AIRE: variants seen among roughly 807,000 people sequenced by gnomAD.
The protein encoded by AIRE is autoimmune polyendocrinopathy candidiasis ectodermal dystrophy protein.
Under a neutral mutation model 62.1 loss-of-function variants are expected in AIRE, and 52 were observed. The observed-to-expected ratio is 0.84, with a 90% CI of 0.67 to 1.06. The LOEUF (loss-of-function observed/expected upper bound fraction) is 1.06, where lower values mean the gene tolerates loss of function less well. AIRE is among the 50% of genes least tolerant of loss of function. The pLI, the probability that AIRE is intolerant of heterozygous loss-of-function variation, is 0.00. For synonymous variants in AIRE, 342 were observed against 321.6 expected, an observed-to-expected ratio of 1.06 and a Z score of -0.68; for missense variants, 774 against 755.8, an observed-to-expected ratio of 1.02 and a Z score of -0.28.
intron 5 of AIRE, chr21:44,288,896 C>T (rs1018957973): frequency 1.1e-5 from 2 of 190,224 alleles, no homozygotes; most frequent in African/African-American, 4.6e-5. Flanking sequence ...CCCTGGCCAG[C>T]CGCTGACCCC....
rs545287094 is a variant in AIRE, at chr21:44,287,231, G to T, written c.463+98G>T. On this transcript the variant is annotated intron_variant, in intron 3 of 13. Coordinates refer to ENST00000291582, the MANE Select transcript of AIRE (RefSeq NM_000383.4). This position sits in a 1 kb window ranked among gnomAD's most constrained non-coding sequence, Gnocchi z 4.3. ...CCCCACCCGGGCTCCCACCCACTGG[G>T]TGTGGGGCCAGCCTGCCTGGGGCTG... The T allele has an allele frequency of 3.1e-5, 45 of 1,471,552 alleles. No homozygotes were observed. The African/African-American group carries it at 5.9e-4, about 19-fold the overall frequency. The allele number at this position is 1,471,552 out of a possible 1,614,324, so 91.2% of individuals were successfully genotyped here.
At position 44,298,426 on chromosome 21, in the gene AIRE, C is replaced by G. The variant is rs2040637782; in HGVS notation, c.*699C>G. On this transcript the variant is annotated 3_prime_UTR_variant, in exon 14 of 14. Coordinates refer to ENST00000291582, the MANE Select transcript of AIRE (RefSeq NM_000383.4). ...GTCTTATTTTACTCAGCATGGTGGCCCCAAGGTTCATCCATGTTGTAGCAT... is the reference window on the plus strand; with the variant it reads ...GTCTTATTTTACTCAGCATGGTGGCGCCAAGGTTCATCCATGTTGTAGCAT... 1 of 154,406 alleles carries G rather than the reference C, an allele frequency of 6.5e-6. No homozygotes were observed. The highest frequency in any genetic ancestry group is 2.4e-5 in the African/African-American group (1 of 41,562). The allele number at this position is 154,406 out of a possible 1,614,324, so 9.6% of individuals were successfully genotyped here.
chr21:44,298,168 A>G lies in AIRE; in HGVS notation c.*441A>G. 1 of 240,342 alleles carries G rather than the reference A, an allele frequency of 4.2e-6. No homozygotes were observed. Among genetic ancestry groups the G allele is most frequent in the Non-Finnish European group, 8.4e-6 (1 of 118,664 alleles). 14.9% of individuals were successfully genotyped at this position (240,342 alleles called of 1,614,324 possible). On this transcript the variant is annotated 3_prime_UTR_variant, in exon 14 of 14. Transcript: ENST00000291582. ...CAAAACAAAAAAACCACATAACATA[A>G]ATTTATCATCTCGACCACTTTTCAG...
At chr21:44,289,492 GACA>G in intron 5 of AIRE, 162 bp from the exon 6 acceptor site, 1 of 763,366 alleles carries the variant, frequency 1.3e-6, no homozygotes, top group Non-Finnish European at 1.9e-6. Flanking sequence ...GTAGATCCAG[GACA>G]ATCCCCGGGC....
intron 7 of AIRE, 39 bp from the exon 8 acceptor site, chr21:44,291,056 C>T (rs745665855): frequency 1.2e-6 from 2 of 1,613,312 alleles, no homozygotes; most frequent in East Asian, 2.2e-5. Context: ...GGTGCTGCAC[C>T]CCAGCCCAGT....
At chr21:44,294,003 C>A in intron 11 of AIRE, 93 bp downstream of exon 11, 2 of 1,474,952 alleles carry the variant, frequency 1.4e-6, no homozygotes, top group Non-Finnish European at 1.8e-6. Context: ...AGCCCACAAC[C>A]ACACCCCACC....
At position 44,297,652 on chromosome 21, in the gene AIRE, G is replaced by A. The variant is rs372099368; in HGVS notation, c.1567-4G>A. The A allele has an allele frequency of 6.2e-6, 10 of 1,610,950 alleles. No homozygotes were observed. Among genetic ancestry groups the A allele is most frequent in the African/African-American group, 2.7e-5 (2 of 74,890 alleles). ...GAGGTTCTCACCGTCACTCTGTCCC[G>A]CAGCACACCTTCGATGGCATCCTGC... On this transcript the variant is annotated splice_region_variant and splice_polypyrimidine_tract_variant and intron_variant, in intron 13 of 13. Coordinates refer to ENST00000291582, the MANE Select transcript of AIRE (RefSeq NM_000383.4). This position sits in a 1 kb window ranked among gnomAD's most constrained non-coding sequence, Gnocchi z 4.8.
intron 5 of AIRE, chr21:44,289,377 T>G: frequency 2.0e-6 from 1 of 496,890 alleles, no homozygotes; most frequent in South Asian, 2.5e-5. Flanking sequence ...CAGTGTGACC[T>G]CATCTTAACT....
At chr21:44,293,758 C>T (rs2040570665) in intron 10 of AIRE, 31 bp from the exon 11 acceptor site, 2 of 1,595,316 alleles carry the variant, frequency 1.3e-6, no homozygotes, top group Non-Finnish European at 1.7e-6. Context: ...CCCCGGCCCC[C>T]CGCGTCACCC....
chr21:44,296,443 G>A lies in AIRE; in HGVS notation c.1564G>A (p.Glu522Lys), dbSNP rs866387711. 10 of 1,612,164 alleles carry A rather than the reference G, an allele frequency of 6.2e-6. No individual in the cohort carries two copies. The Admixed American group carries it at 6.7e-5, about 11-fold the overall frequency. The change falls in exon 13 of 14, where the codon GAG becomes AAG. Residue 522 changes from glutamate (E) to lysine (K), a missense_variant and splice_region_variant. Glu to Lys is a moderately conservative substitution (Grantham distance 56, BLOSUM62 1). Transcript: ENST00000291582. ...HRDDLESLLS[E>K]HTFDGILQWA... The stretch of plus-strand genomic sequence containing the variant: ...GGATGACCTGGAGTCCCTTCTGAGC[G>A]AGGTAACGCCTCCCCTGGCCTCCTG...
chr21:44,293,067 G>A lies in AIRE; in HGVS notation c.1170G>A (p.Thr390=), dbSNP rs935084604. ...GGGAACCCCTAGCCGGCATGGACAC[G>A]ACTCTTGTCTACAAGCACCTGCCGG... ...PPGEPLAGMD[T]TLVYKHLPAP... The change falls in exon 10 of 14, where the codon ACG becomes ACA. Residue 390 remains threonine (T), a synonymous_variant. Coordinates refer to ENST00000291582, the MANE Select transcript of AIRE (RefSeq NM_000383.4). The A allele has an allele frequency of 2.5e-6, 4 of 1,612,344 alleles. No individual in the cohort carries two copies. The highest frequency in any genetic ancestry group is 2.5e-6 in the Non-Finnish European group (3 of 1,179,836).
At position 44,286,986 on chromosome 21, in the gene AIRE, C is replaced by G. The variant is rs1289903463; in HGVS notation, c.316C>G (p.Leu106Val). The stretch of plus-strand genomic sequence containing the variant: ...CTGCCCCTGAGCTGCAGATGTGGAC[C>G]TCAGCCAGCCCCGGAAGGGGAGGAA... Reference protein sequence around the residue: ...ILDSFPKDVDLSQPRKGRKPP... With the variant: ...ILDSFPKDVDVSQPRKGRKPP... The change falls in exon 3 of 14, where the codon CTC (leucine) becomes GTC (valine). Residue 106 changes from leucine to valine, a missense_variant. By Grantham distance (32) the Leu-to-Val change is conservative (BLOSUM62 1). Transcript: ENST00000291582. The surrounding 1 kb of genome is among the most constrained non-coding windows in gnomAD (Gnocchi z 6.0). 1 of 1,612,700 alleles carries G rather than the reference C, an allele frequency of 6.2e-7. No individual in the cohort carries two copies. The highest frequency in any genetic ancestry group is 8.5e-7 in the Non-Finnish European group (1 of 1,179,984).
chr21:44,296,530 G>C, intron 13 of AIRE, 85 bp downstream of exon 13: 1 of 1,306,048 alleles, frequency 7.7e-7, no homozygotes, highest in Non-Finnish European at 1.1e-6. Context: ...TCTGGGGGAG[G>C]ACTGCCGGCC....
At chr21:44,293,506 C>T (rs192353669) in intron 10 of AIRE, among the ~76,000 whole-genome samples, 25 of 152,118 alleles carry the variant, frequency 1.6e-4, no homozygotes, top group East Asian at 1.9e-4. Flanking sequence ...AGGAGACTCC[C>T]GCACTCAGCC....
At chr21:44,291,979 G>C (rs1478440371) in intron 8 of AIRE, among the ~76,000 whole-genome samples, 1 of 152,186 alleles carries the variant, frequency 6.6e-6, no homozygotes, top group Non-Finnish European at 1.5e-5. Context: ...TAACAGGTGG[G>C]TCAGTTTAGG....
At position 44,287,597 on chromosome 21, in the gene AIRE, C is replaced by T. The variant is rs371847563; in HGVS notation, c.538+6C>T. On this transcript the variant is annotated splice_donor_region_variant and intron_variant, in intron 4 of 13. Coordinates refer to ENST00000291582, the MANE Select transcript of AIRE (RefSeq NM_000383.4). The surrounding 1 kb of genome is among the most constrained non-coding windows in gnomAD (Gnocchi z 4.3). The stretch of plus-strand genomic sequence containing the variant: ...GCGCCTTCCACTCGGGAACGGTGAG[C>T]GGGGCCCAGTGGGAGCGCCTCCCTT... 5.2e-5 allele frequency: 80 copies of T among 1,552,710 alleles called. No individual in the cohort carries two copies. The highest frequency in any genetic ancestry group is 4.2e-4 in the African/African-American group (31 of 73,234).
At position 44,293,185 on chromosome 21, in the gene AIRE, G is replaced by A. The variant is rs2040561918; in HGVS notation, c.1278+10G>A. On this transcript the variant is annotated intron_variant, in intron 10 of 13. Transcript: ENST00000291582. ...TCCTGAGGGTCAGCAGGTGAGCGGGGAGTGGGGGTCAGGGTGGGCTCTTCA... is the reference window on the plus strand; with the variant it reads ...TCCTGAGGGTCAGCAGGTGAGCGGGAAGTGGGGGTCAGGGTGGGCTCTTCA... 1.3e-6 allele frequency: 2 copies of A among 1,546,212 alleles called. No individual in the cohort carries two copies. Among genetic ancestry groups the A allele is most frequent in the Non-Finnish European group, 1.7e-6 (2 of 1,144,340 alleles).
intron 6 of AIRE, 71 bp downstream of exon 6, chr21:44,289,873 G>T: frequency 6.2e-7 from 1 of 1,609,558 alleles, no homozygotes; most frequent in Non-Finnish European, 8.5e-7. Flanking sequence ...GTTGCCTCTG[G>T]GGGAGTGGCT....
Position 44,293,805 on chromosome 21 carries a change from C to T in AIRE, c.1295C>T (p.Ala432Val), listed in dbSNP as rs531220961. The T allele has an allele frequency of 3.6e-5, 57 of 1,596,540 alleles. No individual in the cohort carries two copies. Among genetic ancestry groups the T allele is most frequent in the South Asian group, 5.5e-5 (5 of 91,024 alleles). Residue 432 changes from alanine (A) to valine (V), a missense_variant, in exon 11 of 14, where the codon GCG (alanine) becomes GTG (valine). Ala to Val is a moderately conservative substitution (Grantham distance 64, BLOSUM62 0). Transcript: ENST00000291582. ...CTCCCACAGAACCTGGCTCCTGGTGCGCGTTGCGGGGTGTGCGGAGATGGT... is the reference window on the plus strand; with the variant it reads ...CTCCCACAGAACCTGGCTCCTGGTGTGCGTTGCGGGGTGTGCGGAGATGGT... The part of the protein sequence containing the change: ...PEGQQNLAPG[A>V]RCGVCGDGTD...
Sources: gnomAD v4.1 joint callset for allele counts (sites outside exome capture counted in the v4.1 genomes callset) on GRCh38, gnomAD v4.1.1 for gene constraint, Gnocchi (gnomAD v3.1) non-coding constraint, MANE v1.5 for transcripts, NCBI Gene and HGNC (gene_info 2026-07-23, HGNC 2026-07-21) for gene names.